The following BCAS1 variants were observed in gnomAD, a reference collection of about 807,000 sequenced individuals.
BCAS1 encodes breast carcinoma-amplified sequence 1.
Under a neutral mutation model 65.4 loss-of-function variants are expected in BCAS1, and 46 were observed. The ratio of observed to expected loss-of-function variants is 0.70; its 90% CI spans 0.55 to 0.90. BCAS1 has a LOEUF of 0.90. Among genes scored for constraint, BCAS1 ranks in the 40% least tolerant of loss-of-function variants. The probability of loss-of-function intolerance (pLI) is 0.00; values close to 1 mark genes in which losing one functional copy is unlikely to be tolerated. For missense variants in BCAS1, 793 were observed against 771.2 expected (o/e 1.03, Z -0.33); for synonymous variants, 298 against 293.5 (o/e 1.02, Z -0.16).
At chr20:54,045,553 A>C (rs1447230315) in intron 3 of BCAS1, among the ~76,000 whole-genome samples, 1 of 152,238 alleles carries the variant, frequency 6.6e-6, no homozygotes, top group South Asian at 2.1e-4. Flanking sequence ...CACATAAATG[A>C]GCTAAACCTT....
chr20:54,006,088 ACAG>A (rs1325321193), intron 4 of BCAS1, among the ~76,000 whole-genome samples: 1 of 152,168 alleles, frequency 6.6e-6, no homozygotes, highest in Non-Finnish European at 1.5e-5. Context: ...AAGGGGCTAA[ACAG>A]CAGCAGAAGC....
chr20:53,963,477 TC>T (rs1255998372), intron 10 of BCAS1, among the ~76,000 whole-genome samples: 1 of 148,944 alleles, frequency 6.7e-6, no homozygotes, highest in Non-Finnish European at 1.5e-5. Flanking sequence ...CGAGACTGTC[TC>T]AAAAAGAAAA....
At chr20:53,953,359 A>G (rs2089589316) in intron 12 of BCAS1, 73 bp downstream of exon 12, 8 of 1,570,892 alleles carry the variant, frequency 5.1e-6, no homozygotes, top group Non-Finnish European at 6.9e-6. Flanking sequence ...GTAGAATTTG[A>G]AAAACTGACT....
intron 5 of BCAS1, 58 bp downstream of exon 5, chr20:53,995,834 G>C: frequency 1.3e-6 from 2 of 1,496,544 alleles, no homozygotes; most frequent in South Asian, 1.3e-5. Flanking sequence ...ATTATTCTTA[G>C]AATTAACAAA....
At chr20:54,019,880 A>G (rs1471348173) in intron 4 of BCAS1, among the ~76,000 whole-genome samples, 1 of 152,118 alleles carries the variant, frequency 6.6e-6, no homozygotes, top group Non-Finnish European at 1.5e-5. Flanking sequence ...GTCGGCCTCC[A>G]CACTTTTGAG....
intron 6 of BCAS1, 88 bp from the exon 7 acceptor site, chr20:53,992,734 G>T (rs1331940125): frequency 4.0e-6 from 5 of 1,235,200 alleles, no homozygotes; most frequent in East Asian, 1.0e-4. Context: ...GCATTAATAC[G>T]CTGTGACAAT....
At chr20:54,006,185 C>T (rs989357333) in intron 4 of BCAS1, among the ~76,000 whole-genome samples, 1 of 152,156 alleles carries the variant, frequency 6.6e-6, no homozygotes, top group Non-Finnish European at 1.5e-5. Context: ...ATGCCCACAA[C>T]GGAGAAGATA....
intron 11 of BCAS1, among the ~76,000 whole-genome samples, chr20:53,957,110 T>C (rs8122842): frequency 6.6e-4 from 100 of 152,306 alleles, no homozygotes; most frequent in African/African-American, 2.4e-3. Context: ...AAGAACAATA[T>C]GTAGTTATGA....
In BCAS1 at chr20:54,055,136, A is replaced by G. The variant is rs1488022186; in HGVS notation, c.142+2949T>C. 2.6e-5 allele frequency among the ~76,000 whole-genome samples: 4 copies of G among 152,224 alleles called. 1 individual carries two copies. The highest frequency in any genetic ancestry group is 3.8e-4 in the East Asian group (2 of 5,202). On this transcript the variant is annotated intron_variant, in intron 3 of 12. Coordinates refer to ENST00000688948, the MANE Select transcript of BCAS1 (RefSeq NM_001366298.2). ...TTCATTCCTTGCCCTTGCACTCCATATTAAACATAAGAAGATAATTGAAAA... is the reference window on the plus strand; with the variant it reads ...TTCATTCCTTGCCCTTGCACTCCATGTTAAACATAAGAAGATAATTGAAAA...
chr20:53,994,898 C>G, intron 6 of BCAS1, 114 bp downstream of exon 6: 1 of 665,748 alleles, frequency 1.5e-6, no homozygotes, highest in Non-Finnish European at 2.5e-6. Context: ...TACACACACA[C>G]ACACACACAC....
chr20:53,988,418 T>C (rs2090670167), intron 7 of BCAS1, among the ~76,000 whole-genome samples: 1 of 152,212 alleles, frequency 6.6e-6, no homozygotes, highest in Non-Finnish European at 1.5e-5. Context: ...AAACTTTTAT[T>C]TGATGACAAG....
At chr20:53,954,906 G>A (rs926536409) in intron 11 of BCAS1, among the ~76,000 whole-genome samples, 1 of 152,228 alleles carries the variant, frequency 6.6e-6, no homozygotes, top group African/African-American at 2.4e-5. Flanking sequence ...AGTGTGGTCA[G>A]AGCTTCTGTT....
At chr20:54,049,531 G>A (rs1165279940) in intron 3 of BCAS1, among the ~76,000 whole-genome samples, 2 of 151,790 alleles carry the variant, frequency 1.3e-5, no homozygotes, top group Non-Finnish European at 2.9e-5. Flanking sequence ...ATATGTCAGG[G>A]AAAGCCAATG....
chr20:54,037,913 C>T (rs376614905), intron 3 of BCAS1, among the ~76,000 whole-genome samples: 1 of 151,180 alleles, frequency 6.6e-6, no homozygotes, highest in African/African-American at 2.4e-5. Flanking sequence ...AAACTATGTA[C>T]AAGAGGGGGA....
At chr20:53,988,682 T>A (rs2090676678) in intron 7 of BCAS1, among the ~76,000 whole-genome samples, 1 of 152,220 alleles carries the variant, frequency 6.6e-6, no homozygotes. Flanking sequence ...TCTAGCTGTT[T>A]TGAAATATCC....
chr20:54,045,424 TA>T (rs1015051668), intron 3 of BCAS1, among the ~76,000 whole-genome samples: 1 of 150,984 alleles, frequency 6.6e-6, no homozygotes, highest in South Asian at 2.1e-4. Flanking sequence ...TTATTACAAT[TA>T]AAAAAAAACA....
At chr20:54,060,825 A>G (rs111545106) in intron 1 of BCAS1, among the ~76,000 whole-genome samples, 102 of 152,210 alleles carry the variant, frequency 6.7e-4, no homozygotes, top group African/African-American at 2.4e-3. Flanking sequence ...GTCTACCTTC[A>G]CCCAATTTTG....
rs1601028438 is a variant in BCAS1 at position 54,058,513 on chromosome 20, G to A, written c.72+134C>T. 6.2e-6 allele frequency: 9 copies of A among 1,443,524 alleles called. No homozygotes were observed. In the East Asian group the frequency reaches 1.4e-4, roughly 22 times the overall value. 89.4% of individuals were successfully genotyped at this position (1,443,524 alleles called of 1,614,324 possible). On this transcript the variant is annotated intron_variant, in intron 2 of 12. Transcript: ENST00000688948. The stretch of plus-strand genomic sequence containing the variant: ...TTCTGACACCTTTTAGGTTATCCTC[G>A]CTCCACTGTCTTGCACACACAGACA...
At chr20:54,035,759 G>T (rs2091890034) in intron 3 of BCAS1, among the ~76,000 whole-genome samples, 1 of 151,226 alleles carries the variant, frequency 6.6e-6, no homozygotes, top group African/African-American at 2.4e-5. Flanking sequence ...GCATGTGTAT[G>T]TTCATTGCAG....
Sources: gnomAD v4.1 joint callset for allele counts (sites outside exome capture counted in the v4.1 genomes callset) on GRCh38, gnomAD v4.1.1 for gene constraint, MANE v1.5 for transcripts, NCBI Gene and HGNC (gene_info 2026-07-23, HGNC 2026-07-21) for gene names.